Variants in MTF2 observed in about 807,000 individuals in gnomAD.
The protein encoded by MTF2 is metal-response element-binding transcription factor 2.
A neutral mutation model predicts 79.5 loss-of-function variants in MTF2; 11 were observed. That is an observed-to-expected ratio of 0.14 (90% CI 0.09 to 0.23). The LOEUF is 0.23. Ranked by LOEUF, MTF2 falls within the 10% of genes least tolerant of loss-of-function variation. The pLI is 1.00. For synonymous variants in MTF2, 208 were observed against 232.8 expected (o/e 0.89, Z 0.97); for missense variants, 486 against 711.2 (o/e 0.68, Z 3.60).
Position 93,138,266 on chromosome 1 carries a change from CTTTTTG to C in MTF2, c.*1244_*1249del, listed in dbSNP as rs1015581424. The stretch of plus-strand genomic sequence containing the variant: ...CCAGTGTTACAGTTGTCTTCTGTTT[CTTTTTG>C]TTTTGTTTTATTTGTTTTCCTTTTT... On this transcript the variant is annotated 3_prime_UTR_variant, in exon 15 of 15. Transcript: ENST00000370298. 1.3e-5 allele frequency: 2 copies of C among 151,936 alleles called. No individual in the cohort carries two copies. The highest frequency in any genetic ancestry group is 4.8e-5 in the African/African-American group (2 of 41,388). The allele number at this position is 151,936 out of a possible 1,614,324, so 9.4% of individuals were successfully genotyped here. A position where few individuals can be genotyped will look rare whatever the true frequency, so the allele number is the denominator to read the frequency against.
At chr1:93,081,123 C>T (rs1337864807) in intron 1 of MTF2, 1 of 152,190 alleles carries the variant, frequency 6.6e-6, no homozygotes, top group African/African-American at 2.4e-5. Flanking sequence ...AAATGTGTAA[C>T]TATCAGGATG....
At chr1:93,092,983 TC>T (rs1331669144) in intron 1 of MTF2, among the ~76,000 whole-genome samples, 1 of 151,880 alleles carries the variant, frequency 6.6e-6, no homozygotes, top group East Asian at 1.9e-4. Flanking sequence ...GAGATCGAGA[TC>T]ATCCTGGTTT....
intron 3 of MTF2, 81 bp downstream of exon 3, chr1:93,110,707 T>C (rs1655995141): frequency 9.0e-7 from 1 of 1,116,294 alleles, no homozygotes; most frequent in East Asian, 2.4e-5. Context: ...ATGTTGTCTG[T>C]TGAATACAGT....
chr1:93,094,282 G>T (rs946971038), intron 1 of MTF2, among the ~76,000 whole-genome samples: 2 of 151,932 alleles, frequency 1.3e-5, no homozygotes, highest in African/African-American at 4.8e-5. Flanking sequence ...GTTATATAAG[G>T]TGAAAACTTT....
chr1:93,119,198 TTTAAA>T (rs1656371138), intron 7 of MTF2, 130 bp from the exon 8 acceptor site: 6 of 639,030 alleles, frequency 9.4e-6, no homozygotes, highest in Non-Finnish European at 1.6e-5. Context: ...AGCATTATAA[TTTAAA>T]TTATATTTTG....
chr1:93,118,786 T>C (rs570043533), intron 7 of MTF2, among the ~76,000 whole-genome samples: 48 of 152,314 alleles, frequency 3.2e-4, no homozygotes, highest in African/African-American at 1.1e-3. Context: ...ACTTTAGATA[T>C]GAAAAATTTG....
In MTF2 at chr1:93,112,051, A is replaced by G. The variant is rs186544062; in HGVS notation, c.286+1425A>G. Among the ~76,000 whole-genome samples the G allele has an allele frequency of 3.2e-4, 48 of 152,286 alleles. No individual in the cohort carries two copies. In the East Asian group the frequency reaches 8.3e-3, roughly 26 times the overall value. On this transcript the variant is annotated intron_variant, in intron 3 of 14. Transcript: ENST00000370298. ...AAAGAAGAAAACCAATGTTACATAG[A>G]GATAGAAAGTTGTTGTGTGAGGGGT...
chr1:93,107,696 G>T (rs475120), intron 1 of MTF2, among the ~76,000 whole-genome samples: 134,357 of 151,964 alleles, frequency 0.88, 59,758 homozygotes, highest in East Asian at 0.95. Flanking sequence ...GTTTTATATT[G>T]ACCTTAATTA....
chr1:93,129,921 C>A (rs997371698), intron 11 of MTF2, among the ~76,000 whole-genome samples: 2 of 152,140 alleles, frequency 1.3e-5, no homozygotes, highest in Non-Finnish European at 2.9e-5. Flanking sequence ...TGTAGGATAG[C>A]ATACTGTTTT....
intron 1 of MTF2, among the ~76,000 whole-genome samples, chr1:93,096,458 T>C (rs1425337185): frequency 5.3e-5 from 8 of 152,252 alleles, no homozygotes; most frequent in East Asian, 1.9e-4. Context: ...ATTTCCCAAA[T>C]GTTTTCCAAT....
At chr1:93,089,268 A>G (rs1654974623) in intron 1 of MTF2, among the ~76,000 whole-genome samples, 1 of 152,178 alleles carries the variant, frequency 6.6e-6, no homozygotes, top group Non-Finnish European at 1.5e-5. Context: ...TAAATACATA[A>G]ATAAATTTGG....
intron 14 of MTF2, among the ~76,000 whole-genome samples, chr1:93,135,633 G>C (rs67711178): frequency 0.12 from 17,642 of 152,194 alleles, 1,390 homozygotes; most frequent in African/African-American, 0.22. Flanking sequence ...AAGAGTTTGA[G>C]ATGAGACCCC....
intron 1 of MTF2, among the ~76,000 whole-genome samples, chr1:93,090,463 G>A (rs1232167119): frequency 6.6e-6 from 1 of 151,760 alleles, no homozygotes; most frequent in Admixed American, 6.6e-5. Context: ...GGCCAGGAGG[G>A]TCTCGAATTC....
intron 9 of MTF2, chr1:93,121,677 CATTTGAGTTTT>C (rs1459778913): frequency 1.0e-6 from 1 of 960,274 alleles, no homozygotes; most frequent in South Asian, 4.8e-5. Context: ...TTGAATTCAT[CATTTGAGTTTT>C]GAATGTTAGA....
At position 93,120,609 on chromosome 1, in the gene MTF2, T is replaced by G; in HGVS notation, c.858T>G (p.Phe286Leu). 1 of 1,609,592 alleles carries G rather than the reference T, an allele frequency of 6.2e-7. No homozygotes were observed. Among genetic ancestry groups the G allele is most frequent in the Non-Finnish European group, 8.5e-7 (1 of 1,177,944 alleles). Residue 286 changes from phenylalanine (F) to leucine (L), a missense_variant, in exon 9 of 15, where the codon TTT becomes TTG. Around this residue, in one of 4 missense-constraint regions of MTF2, gnomAD observed 177 missense variants for 364.0 expected, o/e 0.49. Transcript: ENST00000370298. ...GTGTTATTCATAAGAAGAAATACTT[T>G]GATTCTGAACTTGAGCTTATGACAT... ...NLSVIHKKKY[F>L]DSELELMTYI...
At chr1:93,123,760 G>GGC in intron 9 of MTF2, among the ~76,000 whole-genome samples, 1 of 112,670 alleles carries the variant, frequency 8.9e-6, no homozygotes, top group African/African-American at 4.2e-5. Context: ...CGTGTATTGT[G>GGC]TCCCCCCCCC....
chr1:93,090,525 G>A (rs1006570226), intron 1 of MTF2, among the ~76,000 whole-genome samples: 4 of 152,346 alleles, frequency 2.6e-5, no homozygotes, highest in South Asian at 4.1e-4. Context: ...TGGGATTACA[G>A]GCATGAGCCA....
intron 9 of MTF2, among the ~76,000 whole-genome samples, chr1:93,123,768 C>G (rs1024020475): frequency 4.7e-5 from 7 of 148,654 alleles, no homozygotes; most frequent in Admixed American, 4.0e-4. Flanking sequence ...GTGTCCCCCC[C>G]CCCTTTTTTT....
intron 1 of MTF2, among the ~76,000 whole-genome samples, chr1:93,092,644 C>T (rs1038996942): frequency 2.6e-5 from 4 of 151,988 alleles, no homozygotes; most frequent in Non-Finnish European, 5.9e-5. Flanking sequence ...AGGGGGTAAG[C>T]TTTCTCTATA....
Sources: gnomAD v4.1 joint callset for allele counts (sites outside exome capture counted in the v4.1 genomes callset) on GRCh38, gnomAD v4.1.1 for gene constraint, gnomAD v4.1.1 regional missense constraint, MANE v1.5 for transcripts, NCBI Gene and HGNC (gene_info 2026-07-23, HGNC 2026-07-21) for gene names.